The following PRDM9 variants were observed in gnomAD, a reference collection of about 807,000 sequenced individuals.
PRDM9 encodes the protein histone-lysine N-methyltransferase PRDM9.
A neutral mutation model predicts 55.6 loss-of-function variants in PRDM9; 47 were observed. The ratio of observed to expected loss-of-function variants is 0.85; its 90% CI spans 0.67 to 1.08. The LOEUF (loss-of-function observed/expected upper bound fraction) is 1.08, where lower values mean the gene tolerates loss of function less well. Among genes scored for constraint, PRDM9 ranks in the 50% least tolerant of loss-of-function variants. The pLI, the probability that PRDM9 is intolerant of heterozygous loss-of-function variation, is 0.00. For synonymous variants in PRDM9, 312 were observed against 375.7 expected (o/e 0.83, Z 1.96); for missense variants, 867 against 1,040.3 (o/e 0.83, Z 2.29).
Position 23,522,873 on chromosome 5 carries a change from A to G in PRDM9, c.870A>G (p.Gly290=), listed in dbSNP as rs1739361545. 1.9e-6 allele frequency: 3 copies of G among 1,614,076 alleles called. No homozygotes were observed. The highest frequency in any genetic ancestry group is 1.6e-4 in the Middle Eastern group (1 of 6,084). ...ITEDEEAANN[G]YSWLITKGRN... ...AAGACGAAGAGGCAGCCAACAATGG[A>G]TACTCCTGGCTGGTAAGAAGAGCCT... The change falls in exon 8 of 11, where the codon GGA becomes GGG. Residue 290 remains glycine (G), a synonymous_variant. Coordinates refer to ENST00000296682, the MANE Select transcript of PRDM9 (RefSeq NM_020227.4).
chr5:23,513,276 A>C (rs188958761), intron 4 of PRDM9, among the ~76,000 whole-genome samples: 18 of 152,308 alleles, frequency 1.2e-4, no homozygotes, highest in African/African-American at 4.3e-4. Context: ...AAGTTCATGT[A>C]TTGGAAACTT....
Position 23,509,500 on chromosome 5 carries a change from T to C in PRDM9, c.100T>C (p.Tyr34His). The stretch of plus-strand genomic sequence containing the variant: ...AGATGCCTTCAAAGACATTTCCATA[T>C]ACTTCACCAAGGAAGAATGGGCAGA... ...VKDAFKDISI[Y>H]FTKEEWAEMG... is the part of the protein sequence containing the mutation. Residue 34 changes from tyrosine (Y) to histidine (H), a missense_variant, in exon 3 of 11, where the codon TAC becomes CAC. Tyr to His is a moderately conservative substitution (Grantham distance 83). Coordinates refer to ENST00000296682, the MANE Select transcript of PRDM9 (RefSeq NM_020227.4). The C allele has an allele frequency of 3.1e-6, 5 of 1,614,158 alleles. No homozygotes were observed. Among genetic ancestry groups the C allele is most frequent in the Non-Finnish European group, 4.2e-6 (5 of 1,180,034 alleles).
chr5:23,521,242 T>G (rs1433918206), intron 6 of PRDM9, 63 bp downstream of exon 6: 1 of 1,591,214 alleles, frequency 6.3e-7, no homozygotes, highest in Non-Finnish European at 8.6e-7. Flanking sequence ...TTGATGAGTA[T>G]GGTCTACCTA....
At position 23,522,342 on chromosome 5, in the gene PRDM9, C is replaced by T. The variant is rs778868424; in HGVS notation, c.547C>T (p.Leu183=). The change falls in exon 7 of 11, where the codon CTG becomes TTG. Residue 183 remains leucine, a synonymous_variant. Transcript: ENST00000296682. ...GGAGACTGAAAGAAAGATGTATAGC[C>T]TGCGAGAAAGAAAGGGTCATGCATA... ...KKETERKMYS[L]RERKGHAYKE... The T allele has an allele frequency of 6.2e-7, 1 of 1,614,138 alleles. No individual in the cohort carries two copies. Among genetic ancestry groups the T allele is most frequent in the Non-Finnish European group, 8.5e-7 (1 of 1,180,010 alleles).
At chr5:23,514,899 A>G (rs571253469) in intron 4 of PRDM9, among the ~76,000 whole-genome samples, 1 of 152,090 alleles carries the variant, frequency 6.6e-6, no homozygotes, top group African/African-American at 2.4e-5. Flanking sequence ...CATACCACTC[A>G]TTATTTAATT....
intron 4 of PRDM9, among the ~76,000 whole-genome samples, chr5:23,515,405 G>A (rs1456269467): frequency 6.6e-6 from 1 of 152,160 alleles, no homozygotes; most frequent in Non-Finnish European, 1.5e-5. Context: ...ACTGCACTCA[G>A]CAACATTAAC....
chr5:23,516,202 T>C (rs1264648501), intron 4 of PRDM9, among the ~76,000 whole-genome samples: 1 of 152,190 alleles, frequency 6.6e-6, no homozygotes, highest in Non-Finnish European at 1.5e-5. Flanking sequence ...GTTTTGTAGT[T>C]TTTAGTGTTC....
In PRDM9 at chr5:23,507,661, C is replaced by G. The variant is rs1739010210; in HGVS notation, c.-136C>G. ...GGGTGAACGCCGCGGCAGGAGAGCA[C>G]GGGAGATTGTGAAGAGCATGGGGAG... On this transcript the variant is annotated 5_prime_UTR_variant, in exon 1 of 11. Coordinates refer to ENST00000296682, the MANE Select transcript of PRDM9 (RefSeq NM_020227.4). 1 of 152,386 alleles carries G rather than the reference C, an allele frequency of 6.6e-6. No homozygotes were observed. Among genetic ancestry groups the G allele is most frequent in the Admixed American group, 6.5e-5 (1 of 15,270 alleles). The allele number at this position is 152,386 out of a possible 1,614,324, so 9.4% of individuals were successfully genotyped here.
intron 9 of PRDM9, 112 bp from the exon 10 acceptor site, chr5:23,524,222 G>A (rs1218813294): frequency 2.6e-5 from 36 of 1,364,862 alleles, no homozygotes; most frequent in Non-Finnish European, 2.2e-5. Context: ...TGGTGGGGGA[G>A]TGGTCAGCAC....
chr5:23,515,640 C>T (rs1739195786), intron 4 of PRDM9, among the ~76,000 whole-genome samples: 1 of 152,080 alleles, frequency 6.6e-6, no homozygotes, highest in Non-Finnish European at 1.5e-5. Flanking sequence ...AGGTTCTGTA[C>T]TTATAGGTTT....
At chr5:23,522,494 T>G in intron 7 of PRDM9, 89 bp downstream of exon 7, 1 of 1,583,910 alleles carries the variant, frequency 6.3e-7, no homozygotes, top group East Asian at 2.2e-5. Context: ...ATTCCCTTAC[T>G]CTAATGAATT....
Position 23,527,797 on chromosome 5 carries a change from T to G in PRDM9, c.*24T>G. The G allele has an allele frequency of 6.2e-7, 1 of 1,613,808 alleles. No homozygotes were observed. Among genetic ancestry groups the G allele is most frequent in the Non-Finnish European group, 8.5e-7 (1 of 1,179,806 alleles). The stretch of plus-strand genomic sequence containing the variant: ...AAGTCATTAGTAATAAAACCTCATC[T>G]CAATAGCCACAAAAAGACAAATGTG... On this transcript the variant is annotated 3_prime_UTR_variant, in exon 11 of 11. Transcript: ENST00000296682.
chr5:23,511,834 T>C (rs1739105419), intron 4 of PRDM9, among the ~76,000 whole-genome samples: 1 of 152,170 alleles, frequency 6.6e-6, no homozygotes, highest in Non-Finnish European at 1.5e-5. Context: ...GTTTTTATTT[T>C]TGTTTTTAAA....
chr5:23,526,125 C>T, intron 10 of PRDM9, 108 bp from the exon 11 acceptor site: 5 of 1,321,456 alleles, frequency 3.8e-6, no homozygotes, highest in Non-Finnish European at 5.5e-6. Flanking sequence ...AAAGAGCTTG[C>T]ATTGTTAACA....
In PRDM9 at chr5:23,526,463, A is replaced by G; in HGVS notation, c.1375A>G (p.Arg459Gly). The G allele has an allele frequency of 6.2e-7, 1 of 1,614,168 alleles. No individual in the cohort carries two copies. Among genetic ancestry groups the G allele is most frequent in the Non-Finnish European group, 8.5e-7 (1 of 1,180,010 alleles). Residue 459 changes from arginine to glycine, a missense_variant, in exon 11 of 11, where the codon AGG becomes GGG. By Grantham distance (125) the Arg-to-Gly change is moderately radical. Coordinates refer to ENST00000296682, the MANE Select transcript of PRDM9 (RefSeq NM_020227.4). ...AACCAAAGGTCAAGAGATCAAAGAA[A>G]GGTCCAAACTCTTGAATAAAAGGAC... ...DKTKGQEIKE[R>G]SKLLNKRTWQ...
chr5:23,518,073 A>G (rs899863141), intron 5 of PRDM9, 143 bp downstream of exon 5: 13 of 780,216 alleles, frequency 1.7e-5, no homozygotes, highest in Admixed American at 4.0e-5. Context: ...CATCATCATT[A>G]TTTTAAGAGT....
chr5:23,527,506 C>T lies in PRDM9; in HGVS notation c.2418C>T (p.Cys806=), dbSNP rs367884047. The change falls in exon 11 of 11, where the codon TGC becomes TGT. Residue 806 remains cysteine (C), a synonymous_variant. Transcript: ENST00000296682. ...RTHTGEKPYV[C]RECGRGFSNK... ...ACACAGGGGAGAAGCCCTATGTCTGCAGGGAGTGTGGGCGGGGCTTTAGCA... is the reference window on the plus strand; with the variant it reads ...ACACAGGGGAGAAGCCCTATGTCTGTAGGGAGTGTGGGCGGGGCTTTAGCA... 5 of 1,578,644 alleles carry T rather than the reference C, an allele frequency of 3.2e-6. No individual in the cohort carries two copies. In the African/African-American group the frequency reaches 7.8e-5, roughly 25 times the overall value.
At chr5:23,516,987 T>A (rs1258697153) in intron 4 of PRDM9, among the ~76,000 whole-genome samples, 1 of 150,280 alleles carries the variant, frequency 6.7e-6, no homozygotes, top group Non-Finnish European at 1.5e-5. Flanking sequence ...AAATAAAAAA[T>A]TTAAAAATTT....
chr5:23,522,561 T>C, intron 7 of PRDM9, 53 bp from the exon 8 acceptor site: 5 of 1,612,518 alleles, frequency 3.1e-6, no homozygotes, highest in Non-Finnish European at 4.2e-6. Context: ...GAAGCTCTTA[T>C]ATCAAGGAAC....
Sources: gnomAD v4.1 joint callset for allele counts (sites outside exome capture counted in the v4.1 genomes callset) on GRCh38, gnomAD v4.1.1 for gene constraint, MANE v1.5 for transcripts, NCBI Gene and HGNC (gene_info 2026-07-23, HGNC 2026-07-21) for gene names.